The following GNAL variants were observed in gnomAD, a reference collection of about 807,000 sequenced individuals.
The protein encoded by GNAL is guanine nucleotide-binding protein G(olf) subunit alpha.
In GNAL, 18 loss-of-function variants were observed where a neutral mutation model predicts 55.1. That is an observed-to-expected ratio of 0.33 (90% CI 0.23 to 0.48). The LOEUF (loss-of-function observed/expected upper bound fraction) is 0.48, where lower values mean the gene tolerates loss of function less well. Among genes scored for constraint, GNAL ranks in the 20% least tolerant of loss-of-function variants. GNAL has a pLI of 0.99. For missense variants in GNAL, 412 were observed against 614.1 expected (o/e 0.67, Z 3.48); for synonymous variants, 253 against 237.0 (o/e 1.07, Z -0.62).
chr18:11,796,772 G>A (rs928038602), intron 4 of GNAL, among the ~76,000 whole-genome samples: 3 of 152,004 alleles, frequency 2.0e-5, no homozygotes, highest in Non-Finnish European at 4.4e-5. Flanking sequence ...TTTCATTTCA[G>A]TTAATAATGC....
chr18:11,715,460 CAAAAAAA>C (rs34339537), intron 1 of GNAL, among the ~76,000 whole-genome samples: 2 of 67,754 alleles, frequency 3.0e-5, no homozygotes, highest in East Asian at 5.9e-4. Context: ...GACTCCATCT[CAAAAAAA>C]AAAAAAAAAA....
At position 11,864,579 on chromosome 18, in the gene GNAL, G is replaced by A. The variant is rs1209224135; in HGVS notation, c.824G>A (p.Arg275Gln). 1.3e-6 allele frequency: 2 copies of A among 1,585,012 alleles called. No homozygotes were observed. Among genetic ancestry groups the A allele is most frequent in the East Asian group, 2.2e-5 (1 of 44,764 alleles). The change falls in exon 7 of 12, where the codon CGA becomes CAA. Residue 275 changes from arginine to glutamine, a missense_variant. By Grantham distance (43) the Arg-to-Gln change is conservative. Coordinates refer to ENST00000334049, the MANE Select transcript of GNAL (RefSeq NM_182978.4). ...RVLTSGIFET[R>Q]FQVDKVNFHM... ...CTGACATCTGGGATTTTTGAGACAC[G>A]ATTCCAAGTGGACAAAGTAAACTTC...
In GNAL at chr18:11,880,304, C is replaced by T. The variant is rs1037684783; in HGVS notation, c.1231-685C>T. 2.1e-4 allele frequency among the ~76,000 whole-genome samples: 32 copies of T among 150,680 alleles called. 2 individuals are homozygous for T. Among genetic ancestry groups the T allele is most frequent in the South Asian group, 8.7e-4 (4 of 4,590 alleles). On this transcript the variant is annotated intron_variant, in intron 11 of 11. Transcript: ENST00000334049. ...GCTAATTAGGTGGGGCACAGTGGCTCATGCCTATAATCCCAGCACTTTGGG... is the reference window on the plus strand; with the variant it reads ...GCTAATTAGGTGGGGCACAGTGGCTTATGCCTATAATCCCAGCACTTTGGG...
intron 4 of GNAL, among the ~76,000 whole-genome samples, chr18:11,794,808 C>CGAG (rs933649884): frequency 6.7e-6 from 1 of 149,842 alleles, no homozygotes; most frequent in African/African-American, 2.5e-5. Flanking sequence ...CAGTGGCTCA[C>CGAG]GCCTGTAATC....
At chr18:11,878,984 A>T (rs1354926198) in intron 11 of GNAL, among the ~76,000 whole-genome samples, 1 of 151,634 alleles carries the variant, frequency 6.6e-6, no homozygotes, top group Non-Finnish European at 1.5e-5. Flanking sequence ...GAGGGATAGC[A>T]TTAGGAGATA....
intron 4 of GNAL, among the ~76,000 whole-genome samples, chr18:11,805,418 G>T (rs1192553425): frequency 2.6e-5 from 4 of 152,158 alleles, no homozygotes; most frequent in African/African-American, 4.8e-5. Flanking sequence ...GAGATATTGT[G>T]TAGTGGTGAA....
intron 4 of GNAL, among the ~76,000 whole-genome samples, chr18:11,761,748 C>T (rs752828790): frequency 6.6e-6 from 1 of 152,204 alleles, no homozygotes; most frequent in African/African-American, 2.4e-5. Context: ...ACCTTTGCTT[C>T]GTGCTGTCTA....
At chr18:11,692,807 G>GAATAAATAAATA (rs111642875) in intron 1 of GNAL, among the ~76,000 whole-genome samples, 18 of 150,734 alleles carry the variant, frequency 1.2e-4, no homozygotes, top group African/African-American at 3.0e-4. Flanking sequence ...TCTCAAAAAT[G>GAATAAATAAATA]AATAAATAAA....
chr18:11,867,082 TG>T, intron 7 of GNAL, 85 bp from the exon 8 acceptor site: 1 of 1,025,082 alleles, frequency 9.8e-7, no homozygotes, highest in African/African-American at 1.6e-5. Context: ...CGCTGGAACC[TG>T]CTGATAGCAA....
intron 4 of GNAL, among the ~76,000 whole-genome samples, chr18:11,761,237 T>G (rs1568014883): frequency 6.6e-6 from 1 of 152,164 alleles, no homozygotes; most frequent in Non-Finnish European, 1.5e-5. Flanking sequence ...GGCAGTCCCT[T>G]CTGTCCCATG....
At chr18:11,690,028 ACCGGGGAGCGGCGGCGGGAGGGGCT>A in intron 1 of GNAL, 89 bp downstream of exon 1, 14 of 744,126 alleles carry the variant, frequency 1.9e-5, no homozygotes, top group East Asian at 3.7e-5. Context: ...GGTGGCGGGC[ACCGGGGAGCGGCGGCGGGAGGGGCT>A]CCTGAATCCC....
At chr18:11,744,970 C>T (rs1477950215) in intron 1 of GNAL, among the ~76,000 whole-genome samples, 3 of 152,170 alleles carry the variant, frequency 2.0e-5, no homozygotes, top group African/African-American at 7.2e-5. Context: ...CCTTGGTCTC[C>T]CAAAGTGCTG....
At chr18:11,689,969 C>A in intron 1 of GNAL, 30 bp downstream of exon 1, 1 of 1,204,652 alleles carries the variant, frequency 8.3e-7, no homozygotes, top group Non-Finnish European at 1.0e-6. Context: ...TCGGCTGACG[C>A]CCCGGGGACA....
intron 5 of GNAL, among the ~76,000 whole-genome samples, chr18:11,849,114 A>T (rs1230250617): frequency 1.3e-5 from 2 of 152,202 alleles, no homozygotes; most frequent in African/African-American, 4.8e-5. Flanking sequence ...GTGCATAAGT[A>T]CTTTATTAAT....
chr18:11,763,837 A>G (rs2033320661), intron 4 of GNAL, among the ~76,000 whole-genome samples: 1 of 152,176 alleles, frequency 6.6e-6, no homozygotes. Flanking sequence ...TCTATGCTAG[A>G]ACAGTTGCTC....
At chr18:11,848,461 CTTT>C (rs71172024) in intron 5 of GNAL, among the ~76,000 whole-genome samples, 2 of 142,850 alleles carry the variant, frequency 1.4e-5, no homozygotes. Flanking sequence ...TTTTTCTTTT[CTTT>C]TTTTTTTTTT....
intron 9 of GNAL, among the ~76,000 whole-genome samples, chr18:11,869,321 T>C (rs1278008582): frequency 1.3e-5 from 2 of 151,934 alleles, no homozygotes; most frequent in Non-Finnish European, 2.9e-5. Flanking sequence ...TATTTTGTAT[T>C]TTTAGTAGAG....
At chr18:11,862,209 C>T (rs947730359) in intron 5 of GNAL, among the ~76,000 whole-genome samples, 186 bp from the exon 6 acceptor site, 4 of 152,110 alleles carry the variant, frequency 2.6e-5, no homozygotes, top group Non-Finnish European at 5.9e-5. Flanking sequence ...AGTTCTCCCT[C>T]CCTGGGTCAA....
intron 5 of GNAL, among the ~76,000 whole-genome samples, chr18:11,848,829 GA>G (rs796272807): frequency 2.2e-4 from 34 of 152,214 alleles, no homozygotes; most frequent in African/African-American, 8.2e-4. Flanking sequence ...AAAACAGCTG[GA>G]AAGTCAACTT....
Sources: allele counts gnomAD v4.1 joint callset (sites outside exome capture counted in the v4.1 genomes callset), GRCh38; gene constraint gnomAD v4.1.1; transcripts MANE v1.5; gene names NCBI Gene and HGNC (gene_info 2026-07-23, HGNC 2026-07-21).